Variants in PCNX2 observed in about 807,000 individuals in gnomAD.
PCNX2 encodes the protein pecanex-like protein 2.
Under a neutral mutation model 223.8 loss-of-function variants are expected in PCNX2, and 168 were observed. That is an observed-to-expected ratio of 0.75 (90% CI 0.66 to 0.85). The LOEUF (loss-of-function observed/expected upper bound fraction) is 0.85. Ranked by LOEUF, PCNX2 falls within the 40% of genes least tolerant of loss-of-function variation. The probability of loss-of-function intolerance (pLI) is 0.00; values close to 1 mark genes in which losing one functional copy is unlikely to be tolerated. For missense variants in PCNX2, 2,507 were observed against 2,675.5 expected (o/e 0.94, Z 1.39); for synonymous variants, 1,006 against 1,052.6 (o/e 0.96, Z 0.86).
intron 23 of PCNX2, among the ~76,000 whole-genome samples, chr1:233,078,057 C>G (rs1203947789): frequency 6.6e-6 from 1 of 152,216 alleles, no homozygotes; most frequent in Non-Finnish European, 1.5e-5. Flanking sequence ...TGGGCAAGGT[C>G]TTTGCTTTCA....
At chr1:233,034,860 G>A (rs989608103) in intron 25 of PCNX2, among the ~76,000 whole-genome samples, 5 of 152,132 alleles carry the variant, frequency 3.3e-5, no homozygotes, top group Non-Finnish European at 7.3e-5. Context: ...TAGATCAAAC[G>A]GGAAACATTT....
intron 1 of PCNX2, among the ~76,000 whole-genome samples, chr1:233,273,067 G>A (rs1032444924): frequency 4.0e-5 from 6 of 150,876 alleles, no homozygotes; most frequent in Non-Finnish European, 7.4e-5. Context: ...GGTGATGGGT[G>A]CAACAAAGTC....
chr1:233,222,565 G>C (rs887359045), intron 10 of PCNX2, among the ~76,000 whole-genome samples: 2 of 152,070 alleles, frequency 1.3e-5, no homozygotes, highest in Non-Finnish European at 2.9e-5. Flanking sequence ...TATACAAAGA[G>C]AATGAATGGA....
At chr1:233,309,182 T>C in the PCNX2 span, among the ~76,000 whole-genome samples, 1 of 152,280 alleles carries the variant, frequency 6.6e-6, no homozygotes, top group Non-Finnish European at 1.5e-5. Context: ...AAATTCACAA[T>C]ACAAAATTTG....
At chr1:233,193,152 A>G (rs1239156446) in intron 15 of PCNX2, among the ~76,000 whole-genome samples, 2 of 149,978 alleles carry the variant, frequency 1.3e-5, no homozygotes, top group East Asian at 1.9e-4. Context: ...CCTAGTACAC[A>G]ATAACTTCTC....
chr1:233,049,599 G>A (rs1290324367), intron 25 of PCNX2, among the ~76,000 whole-genome samples: 1 of 152,124 alleles, frequency 6.6e-6, no homozygotes, highest in East Asian at 1.9e-4. Context: ...AGTACTGGAA[G>A]TCCTAGCCAG....
chr1:233,032,293 G>C (rs1418102358), intron 25 of PCNX2, among the ~76,000 whole-genome samples: 1 of 151,978 alleles, frequency 6.6e-6, no homozygotes, highest in East Asian at 1.9e-4. Flanking sequence ...GTAGAGACAG[G>C]GGTTTCTCCC....
the PCNX2 span, among the ~76,000 whole-genome samples, chr1:233,318,536 C>T: frequency 7.9e-5 from 12 of 151,276 alleles, no homozygotes; most frequent in South Asian, 2.5e-3. Flanking sequence ...TGCATCACTC[C>T]CCCACCATCT....
intron 13 of PCNX2, among the ~76,000 whole-genome samples, chr1:233,207,827 G>T (rs774075673): frequency 2.0e-5 from 3 of 152,118 alleles, no homozygotes; most frequent in Non-Finnish European, 4.4e-5. Flanking sequence ...CAAAGGGATT[G>T]GTGGAAGACT....
intron 30 of PCNX2, 78 bp from the exon 31 acceptor site, chr1:232,999,457 T>TC: frequency 7.3e-7 from 1 of 1,372,098 alleles, no homozygotes; most frequent in Non-Finnish European, 9.6e-7. Flanking sequence ...TTTTTCTTTT[T>TC]TTTTTTTTTT....
intron 21 of PCNX2, among the ~76,000 whole-genome samples, chr1:233,099,185 C>G (rs529241532): frequency 6.6e-6 from 1 of 152,328 alleles, no homozygotes; most frequent in Admixed American, 6.5e-5. Flanking sequence ...TTTACCATGC[C>G]TCCTTGAGGC....
intron 1 of PCNX2, among the ~76,000 whole-genome samples, chr1:233,268,001 T>C (rs1660434934): frequency 6.6e-6 from 1 of 152,148 alleles, no homozygotes; most frequent in East Asian, 1.9e-4. Context: ...AATCTCTGCG[T>C]CCCGAGTTGA....
intron 15 of PCNX2, among the ~76,000 whole-genome samples, chr1:233,190,734 C>T (rs1042848957): frequency 6.6e-6 from 1 of 152,182 alleles, no homozygotes; most frequent in Admixed American, 6.5e-5. Context: ...CTTTCCATCA[C>T]AGAGTTAACG....
chr1:233,285,536 G>A (rs1246676610), intron 1 of PCNX2, among the ~76,000 whole-genome samples: 4 of 151,934 alleles, frequency 2.6e-5, no homozygotes, highest in Admixed American at 6.6e-5. Flanking sequence ...TTAGCCGGGC[G>A]TGGTGGTGCA....
In PCNX2 at chr1:233,261,943, C is replaced by A. The variant is rs1406491809; in HGVS notation, c.480+102G>T. On this transcript the variant is annotated intron_variant, in intron 3 of 33. Coordinates refer to ENST00000258229, the MANE Select transcript of PCNX2 (RefSeq NM_014801.4). ...TCCACTGTACACGGGCCAGTGATTACAGCATGCAAGCTACAATCACTGCTG... is the reference window on the plus strand; with the variant it reads ...TCCACTGTACACGGGCCAGTGATTAAAGCATGCAAGCTACAATCACTGCTG... The A allele has an allele frequency of 5.3e-6, 8 of 1,516,252 alleles. No individual in the cohort carries two copies. The African/African-American group carries it at 1.1e-4, about 21-fold the overall frequency. 93.9% of individuals were successfully genotyped at this position (1,516,252 alleles called of 1,614,324 possible).
intron 15 of PCNX2, among the ~76,000 whole-genome samples, chr1:233,189,724 C>T (rs1680310870): frequency 6.6e-6 from 1 of 152,146 alleles, no homozygotes; most frequent in Non-Finnish European, 1.5e-5. Context: ...ACGTGGGAAA[C>T]ATTAAATTAT....
intron 17 of PCNX2, among the ~76,000 whole-genome samples, chr1:233,169,644 C>CAAAAAAAAAAAAAAAAAAAAA: frequency 1.5e-5 from 1 of 68,896 alleles, no homozygotes; most frequent in African/African-American, 5.7e-5. Flanking sequence ...AACTCCGTCT[C>CAAAAAAAAAAAAAAAAAAAAA]AAAAAAAAAA....
Position 233,094,987 on chromosome 1 carries a change from T to C in PCNX2, c.3946+768A>G, listed in dbSNP as rs528291401. ...CTGGGAAACACACAGGTTTAAAAACTCTAAATTCACTGGGAAGGAAAACCT... is the reference window on the plus strand; with the variant it reads ...CTGGGAAACACACAGGTTTAAAAACCCTAAATTCACTGGGAAGGAAAACCT... On this transcript the variant is annotated intron_variant, in intron 22 of 33. Transcript: ENST00000258229. Among the ~76,000 whole-genome samples, 4 of 152,310 alleles carry C rather than the reference T, an allele frequency of 2.6e-5. No individual in the cohort carries two copies. The South Asian group carries it at 6.2e-4, about 24-fold the overall frequency.
chr1:233,093,041 T>A (rs1056461486), intron 22 of PCNX2, among the ~76,000 whole-genome samples: 1 of 152,146 alleles, frequency 6.6e-6, no homozygotes, highest in Non-Finnish European at 1.5e-5. Flanking sequence ...CCTCATGATC[T>A]GCCCTCCTTG....
Sources: allele counts gnomAD v4.1 joint callset (sites outside exome capture counted in the v4.1 genomes callset), GRCh38; gene constraint gnomAD v4.1.1; transcripts MANE v1.5; gene names NCBI Gene and HGNC (gene_info 2026-07-23, HGNC 2026-07-21).